Variants in GABPB1 observed in about 807,000 individuals in gnomAD.
GABPB1 encodes the protein GA-binding protein subunit beta-1.
In GABPB1, 15 loss-of-function variants were observed where a neutral mutation model predicts 45.9. The observed-to-expected ratio is 0.33, with a 90% CI of 0.22 to 0.50. The LOEUF is 0.50. Ranked by LOEUF, GABPB1 falls within the 20% of genes least tolerant of loss-of-function variation. The pLI is 0.98. For synonymous variants in GABPB1, 143 were observed against 154.4 expected, an observed-to-expected ratio of 0.93 and a Z score of 0.55; for missense variants, 252 against 457.5, an observed-to-expected ratio of 0.55 and a Z score of 4.10.
chr15:50,276,495 C>G lies in GABPB1; in HGVS notation c.*2137G>C, dbSNP rs2045840295. On this transcript the variant is annotated 3_prime_UTR_variant, in exon 9 of 9. Coordinates refer to ENST00000380877, the MANE Select transcript of GABPB1 (RefSeq NM_016654.5). ...TCCACAGATACCTGAGTACCTGATG[C>G]TATCATAGACTTACTCCTTTTAAGC... 1 of 152,232 alleles carries G rather than the reference C, an allele frequency of 6.6e-6. No homozygotes were observed. Among genetic ancestry groups the G allele is most frequent in the Non-Finnish European group, 1.5e-5 (1 of 68,044 alleles). 9.4% of individuals were successfully genotyped at this position (152,232 alleles called of 1,614,324 possible). A position where few individuals can be genotyped will look rare whatever the true frequency, so the allele number is the denominator to read the frequency against.
chr15:50,315,632 T>G (rs2047298400), intron 1 of GABPB1, among the ~76,000 whole-genome samples: 1 of 152,242 alleles, frequency 6.6e-6, no homozygotes, highest in South Asian at 2.1e-4. Context: ...CGTAGCATTT[T>G]CACTTCTGAT....
At chr15:50,338,011 C>G (rs28719982) in intron 1 of GABPB1, among the ~76,000 whole-genome samples, 28,341 of 152,080 alleles carry the variant, frequency 0.19, 2,833 homozygotes, top group Middle Eastern at 0.23. Context: ...AAAATTTAAA[C>G]TCTAAATTAT....
Position 50,275,534 on chromosome 15 carries a change from A to G in GABPB1, c.*3098T>C, listed in dbSNP as rs1017342444. ...CCTGATAAACCCATTGTAAAGTCAA[A>G]CAATCATAAATCAAAGCATCATAAA... On this transcript the variant is annotated 3_prime_UTR_variant, in exon 9 of 9. Transcript: ENST00000380877. 5 of 152,246 alleles carry G rather than the reference A, an allele frequency of 3.3e-5. No individual in the cohort carries two copies. Among genetic ancestry groups the G allele is most frequent in the Non-Finnish European group, 7.3e-5 (5 of 68,044 alleles). 9.4% of individuals were successfully genotyped at this position (152,246 alleles called of 1,614,324 possible). A position where few individuals can be genotyped will look rare whatever the true frequency, so the allele number is the denominator to read the frequency against.
At chr15:50,306,269 AAT>A (rs1427903094) in intron 2 of GABPB1, among the ~76,000 whole-genome samples, 1 of 152,086 alleles carries the variant, frequency 6.6e-6, no homozygotes, top group Non-Finnish European at 1.5e-5. Context: ...GTGCTCAGCC[AAT>A]ATATGTAGTT....
intron 3 of GABPB1, among the ~76,000 whole-genome samples, chr15:50,303,686 A>C (rs2046839030): frequency 6.6e-6 from 1 of 151,356 alleles, no homozygotes; most frequent in South Asian, 2.1e-4. Context: ...TCAAAAAAAA[A>C]AAAAAAACAA....
intron 1 of GABPB1, chr15:50,353,579 A>G (rs897054337): frequency 4.7e-5 from 6 of 128,808 alleles, no homozygotes; most frequent in East Asian, 4.6e-4. Context: ...TTGTTTTTGG[A>G]AAAAAAAAAC....
At chr15:50,278,971 A>G (rs1284271843) in intron 8 of GABPB1, among the ~76,000 whole-genome samples, 187 bp from the exon 9 acceptor site, 2 of 152,100 alleles carry the variant, frequency 1.3e-5, no homozygotes, top group Non-Finnish European at 2.9e-5. Flanking sequence ...TTTGTGCTCC[A>G]CATTATGAGA....
At chr15:50,306,145 T>C (rs1271378753) in intron 2 of GABPB1, among the ~76,000 whole-genome samples, 1 of 152,086 alleles carries the variant, frequency 6.6e-6, no homozygotes, top group Non-Finnish European at 1.5e-5. Flanking sequence ...GACTAATTTT[T>C]TTCTTTTTGT....
intron 2 of GABPB1, among the ~76,000 whole-genome samples, chr15:50,307,782 T>C (rs923630570): frequency 2.0e-5 from 3 of 152,130 alleles, no homozygotes; most frequent in Non-Finnish European, 4.4e-5. Flanking sequence ...AGTTTTTAAA[T>C]TGATCCTGCT....
rs755679999 is a variant in GABPB1, at chr15:50,328,188, T to C, written c.1-18390A>G. On this transcript the variant is annotated intron_variant, in intron 1 of 8. Transcript: ENST00000380877. ...TATACACATACCTATATACCCATCATTGACATTCTAAATTAAAAGCTGGTC... is the reference window on the plus strand; with the variant it reads ...TATACACATACCTATATACCCATCACTGACATTCTAAATTAAAAGCTGGTC... Among the ~76,000 whole-genome samples the C allele has an allele frequency of 1.1e-4, 16 of 152,062 alleles. No individual in the cohort carries two copies. In the East Asian group the frequency reaches 1.7e-3, roughly 16 times the overall value.
At chr15:50,301,561 C>T (rs190097353) in intron 4 of GABPB1, among the ~76,000 whole-genome samples, 193 bp from the exon 5 acceptor site, 23 of 152,300 alleles carry the variant, frequency 1.5e-4, no homozygotes, top group East Asian at 3.9e-4. Context: ...CCAAGTCCCC[C>T]TCTTAGGTAA....
chr15:50,285,379 C>T (rs769639932), intron 8 of GABPB1, among the ~76,000 whole-genome samples: 21 of 152,234 alleles, frequency 1.4e-4, no homozygotes, highest in Middle Eastern at 3.4e-3. Context: ...AGTTCAGTGG[C>T]TGCAGTTGTT....
chr15:50,294,417 G>T (rs946732148), intron 6 of GABPB1, among the ~76,000 whole-genome samples: 1 of 152,182 alleles, frequency 6.6e-6, no homozygotes, highest in Non-Finnish European at 1.5e-5. Context: ...AGGAGGCTGA[G>T]GCAGGAGAAT....
At chr15:50,300,435 G>GT (rs1567496813) in intron 6 of GABPB1, among the ~76,000 whole-genome samples, 885 of 60,768 alleles carry the variant, frequency 0.015, 108 homozygotes, top group South Asian at 0.025. Flanking sequence ...AACTGTTTTT[G>GT]GTTTTTTTTT....
At chr15:50,334,505 C>CTTTTTTTTTTTT (rs60433481) in intron 1 of GABPB1, among the ~76,000 whole-genome samples, 3 of 109,406 alleles carry the variant, frequency 2.7e-5, no homozygotes, top group Non-Finnish European at 5.5e-5. Context: ...TCTTTTTTTC[C>CTTTTTTTTTTTT]TTTTTTTTTT....
At chr15:50,279,382 A>C (rs1317707883) in intron 8 of GABPB1, among the ~76,000 whole-genome samples, 1 of 152,256 alleles carries the variant, frequency 6.6e-6, no homozygotes, top group African/African-American at 2.4e-5. Context: ...AATAGCAAGC[A>C]AGATAATTCA....
chr15:50,337,063 GTATATGTGTGT>G (rs2048157915), intron 1 of GABPB1, among the ~76,000 whole-genome samples: 1 of 20,192 alleles, frequency 5.0e-5, no homozygotes, highest in Admixed American at 8.0e-4. Flanking sequence ...AAAATTACAT[GTATATGTGTGT>G]GTATATATAT....
Position 50,277,218 on chromosome 15 carries a change from TTAA to T in GABPB1, c.*1411_*1413del, listed in dbSNP as rs1188895088. The T allele has an allele frequency of 2.6e-5, 4 of 152,150 alleles. No homozygotes were observed. The highest frequency in any genetic ancestry group is 5.9e-5 in the Non-Finnish European group (4 of 68,016). The allele number at this position is 152,150 out of a possible 1,614,324, so 9.4% of individuals were successfully genotyped here. ...GCAGTAGGATAACATTTTTAATGTGTTAATAAGATGTGATAAAAACATAAGTCT... is the reference window on the plus strand; with the variant it reads ...GCAGTAGGATAACATTTTTAATGTGTTAAGATGTGATAAAAACATAAGTCT... On this transcript the variant is annotated 3_prime_UTR_variant, in exon 9 of 9. Coordinates refer to ENST00000380877, the MANE Select transcript of GABPB1 (RefSeq NM_016654.5).
intron 8 of GABPB1, chr15:50,282,358 A>C (rs960095069): frequency 1.8e-5 from 8 of 446,690 alleles, no homozygotes; most frequent in Non-Finnish European, 3.6e-5. Flanking sequence ...CAGGAGTCCA[A>C]GACCAGCCTG....
Sources: gnomAD v4.1 joint callset for allele counts (sites outside exome capture counted in the v4.1 genomes callset) on GRCh38, gnomAD v4.1.1 for gene constraint, MANE v1.5 for transcripts, NCBI Gene and HGNC (gene_info 2026-07-23, HGNC 2026-07-21) for gene names.